The following SLA variants were observed in gnomAD, a reference collection of about 807,000 sequenced individuals.
SLA encodes the protein Src like adaptor.
Under a neutral mutation model 30.3 loss-of-function variants are expected in SLA, and 16 were observed. That is an observed-to-expected ratio of 0.53 (90% confidence interval 0.36 to 0.80). The LOEUF (loss-of-function observed/expected upper bound fraction) is 0.80, where lower values mean the gene tolerates loss of function less well. SLA is among the 30% of genes least tolerant of loss of function. The pLI is 0.01. For missense variants in SLA, 310 were observed against 345.2 expected (o/e 0.90, Z 0.81); for synonymous variants, 143 against 137.8 (o/e 1.04, Z -0.26).
chr8:133,077,997 T>A (rs1029640806), intron 1 of SLA, among the ~76,000 whole-genome samples: 1 of 152,202 alleles, frequency 6.6e-6, no homozygotes, highest in Non-Finnish European at 1.5e-5. Context: ...GTGTGAAGGT[T>A]GTTCTTTCTT....
At chr8:133,101,611 C>T (rs1425347752) in intron 1 of SLA, among the ~76,000 whole-genome samples, 1 of 152,178 alleles carries the variant, frequency 6.6e-6, no homozygotes, top group East Asian at 1.9e-4. Context: ...AACAGGGTGT[C>T]CAGCATGTTT....
At chr8:133,052,051 C>G (rs1840502451) in intron 3 of SLA, among the ~76,000 whole-genome samples, 1 of 152,190 alleles carries the variant, frequency 6.6e-6, no homozygotes. Flanking sequence ...ACCCCAAGAT[C>G]TGGAGAAATC....
At chr8:133,082,943 C>A (rs1019116451) in intron 1 of SLA, among the ~76,000 whole-genome samples, 8 of 152,196 alleles carry the variant, frequency 5.3e-5, no homozygotes, top group Non-Finnish European at 1.2e-4. Flanking sequence ...TTATAACCGA[C>A]TAGATGGGTG....
At chr8:133,098,437 G>A (rs754354438) in intron 1 of SLA, among the ~76,000 whole-genome samples, 5 of 152,184 alleles carry the variant, frequency 3.3e-5, no homozygotes, top group Non-Finnish European at 5.9e-5. Context: ...AGTACTCTGA[G>A]GCATGGGCAG....
chr8:133,077,735 A>G lies in SLA; in HGVS notation c.-318-2605T>C, dbSNP rs867263364. ...TGGATCAGGGCATTCTCTGGTGTGT[A>G]TGTGTGTGTGTGTGTGTGTGTGTGT... On this transcript the variant is annotated intron_variant, in intron 1 of 8. Transcript: ENST00000338087. Among the ~76,000 whole-genome samples the G allele has an allele frequency of 2.2e-4, 32 of 148,174 alleles. No homozygotes were observed. In the South Asian group the frequency reaches 2.6e-3, roughly 12 times the overall value.
chr8:133,060,046 C>G (rs1842140020), intron 3 of SLA, 54 bp downstream of exon 3: 2 of 1,511,782 alleles, frequency 1.3e-6, no homozygotes, highest in Admixed American at 4.8e-5. Flanking sequence ...CCAGTCTTTA[C>G]CACAGGCTCT....
In SLA at chr8:133,094,966, TGTGG is replaced by T. The variant is rs1208451937; in HGVS notation, c.-319+7583_-319+7586del. ...TTGGAGGAAGGATGCAGAACCCTGA[TGTGG>T]CACTGAGGACTCCAGGTGAGCAGGG... On this transcript the variant is annotated intron_variant, in intron 1 of 8. Coordinates refer to ENST00000338087, the MANE Select transcript of SLA (RefSeq NM_001045556.3). 1.8e-3 allele frequency: 2,897 copies of T among 1,596,478 alleles called. 4 individuals are homozygous for T. The highest frequency in any genetic ancestry group is 3.4e-3 in the South Asian group (306 of 90,392).
chr8:133,039,589 G>A (rs1366448316), intron 8 of SLA, among the ~76,000 whole-genome samples: 1 of 152,154 alleles, frequency 6.6e-6, no homozygotes, highest in Non-Finnish European at 1.5e-5. Context: ...AAACAAAGAA[G>A]TCACTGTAGG....
chr8:133,070,096 G>A (rs764514155), intron 2 of SLA, among the ~76,000 whole-genome samples: 71 of 151,986 alleles, frequency 4.7e-4, no homozygotes, highest in Admixed American at 7.9e-4. Flanking sequence ...AGGAGACCGC[G>A]GATTTGTGGT....
At chr8:133,070,862 G>A (rs1843903098) in intron 2 of SLA, among the ~76,000 whole-genome samples, 1 of 152,258 alleles carries the variant, frequency 6.6e-6, no homozygotes, top group Non-Finnish European at 1.5e-5. Context: ...TCTCTGGACA[G>A]TAGTTGTCAA....
chr8:133,079,310 A>G (rs1022097874), intron 1 of SLA, among the ~76,000 whole-genome samples: 2 of 152,194 alleles, frequency 1.3e-5, no homozygotes, highest in Non-Finnish European at 2.9e-5. Flanking sequence ...GGCCCAGACT[A>G]ATGACCATAG....
Position 133,037,318 on chromosome 8 carries a change from A to T in SLA, c.*1206T>A, listed in dbSNP as rs375788610. On this transcript the variant is annotated 3_prime_UTR_variant, in exon 9 of 9. Transcript: ENST00000338087. ...AAATTATGCATGACATCATTAATCC[A>T]CTTGGACTCCCCATCTTTCCTGGAG... 6.6e-6 allele frequency: 1 copy of T among 152,186 alleles called. No homozygotes were observed. Among genetic ancestry groups the T allele is most frequent in the South Asian group, 2.1e-4 (1 of 4,822 alleles). 9.4% of individuals were successfully genotyped at this position (152,186 alleles called of 1,614,324 possible).
At chr8:133,099,272 G>A (rs567483113) in intron 1 of SLA, among the ~76,000 whole-genome samples, 2 of 152,338 alleles carry the variant, frequency 1.3e-5, no homozygotes, top group Admixed American at 6.5e-5. Flanking sequence ...TGGTTAGACC[G>A]TTCGTTTCTG....
At chr8:133,050,083 T>C in intron 4 of SLA, 95 bp from the exon 5 acceptor site, 3 of 845,120 alleles carry the variant, frequency 3.5e-6, no homozygotes, top group Middle Eastern at 2.2e-4. Flanking sequence ...CCAGGACAGT[T>C]TGGAACATTC....
At chr8:133,055,813 C>A (rs963251200) in intron 3 of SLA, among the ~76,000 whole-genome samples, 1 of 148,844 alleles carries the variant, frequency 6.7e-6, no homozygotes, top group Non-Finnish European at 1.5e-5. Context: ...CCTTCCTCCC[C>A]CTCCTCATCA....
intron 3 of SLA, among the ~76,000 whole-genome samples, chr8:133,051,764 A>G (rs1366193292): frequency 6.6e-6 from 1 of 152,166 alleles, no homozygotes; most frequent in Non-Finnish European, 1.5e-5. Flanking sequence ...GCAGGGTAAT[A>G]TTTGGATACA....
chr8:133,085,290 CT>C (rs1361374067), intron 1 of SLA, among the ~76,000 whole-genome samples: 1 of 152,272 alleles, frequency 6.6e-6, no homozygotes, highest in East Asian at 1.9e-4. Context: ...GGACCTTGCA[CT>C]AGGCAAGCAT....
chr8:133,068,469 A>T (rs577194606), intron 2 of SLA, among the ~76,000 whole-genome samples: 1 of 152,366 alleles, frequency 6.6e-6, no homozygotes, highest in South Asian at 2.1e-4. Context: ...AGGCCTGTCA[A>T]TGCTGGGGCA....
chr8:133,049,395 A>G (rs1190726588), intron 5 of SLA: 3 of 303,364 alleles, frequency 9.9e-6, no homozygotes, highest in African/African-American at 6.5e-5. Flanking sequence ...AGAACTACAC[A>G]TGTATCATTA....
Sources: gnomAD v4.1 joint callset for allele counts (sites outside exome capture counted in the v4.1 genomes callset) on GRCh38, gnomAD v4.1.1 for gene constraint, MANE v1.5 for transcripts, NCBI Gene and HGNC (gene_info 2026-07-23, HGNC 2026-07-21) for gene names.